FSHR: variants seen among roughly 807,000 people sequenced by gnomAD.
FSHR encodes follicle-stimulating hormone receptor.
FSHR carries 46 observed loss-of-function variants against 52.1 expected under a neutral mutation model. The observed-to-expected ratio is 0.88, with a 90% confidence interval of 0.70 to 1.13. FSHR has a LOEUF of 1.13. Among genes scored for constraint, FSHR ranks in the 50% most tolerant of loss-of-function variants. The probability of loss-of-function intolerance (pLI) is 0.00; values close to 1 mark genes in which losing one functional copy is unlikely to be tolerated. For missense variants in FSHR, 964 were observed against 834.6 expected, an observed-to-expected ratio of 1.16 and a Z score of -1.91; for synonymous variants, 399 against 309.6, an observed-to-expected ratio of 1.29 and a Z score of -3.03.
At chr2:49,045,218 C>G (rs1233593559) in intron 2 of FSHR, among the ~76,000 whole-genome samples, 2 of 152,138 alleles carry the variant, frequency 1.3e-5, no homozygotes, top group Admixed American at 6.5e-5. Flanking sequence ...TGTGCCATTT[C>G]TCTTGTATCC....
intron 7 of FSHR, 31 bp downstream of exon 7, chr2:48,983,067 A>C: frequency 6.2e-7 from 1 of 1,611,978 alleles, no homozygotes; most frequent in Non-Finnish European, 8.5e-7. Flanking sequence ...TTCCCTTTAA[A>C]TGGCCTTGAA....
chr2:49,005,548 T>C (rs1667048055), intron 4 of FSHR, among the ~76,000 whole-genome samples: 1 of 152,148 alleles, frequency 6.6e-6, no homozygotes, highest in African/African-American at 2.4e-5. Context: ...GAGTGATATC[T>C]GCAAGATGAC....
At chr2:49,143,726 G>T (rs753381456) in intron 1 of FSHR, among the ~76,000 whole-genome samples, 3 of 152,140 alleles carry the variant, frequency 2.0e-5, no homozygotes, top group Non-Finnish European at 4.4e-5. Context: ...CAGCATCCCA[G>T]AAAGCTGAAT....
intron 1 of FSHR, among the ~76,000 whole-genome samples, chr2:49,111,234 A>T (rs1671411195): frequency 6.6e-6 from 1 of 152,172 alleles, no homozygotes; most frequent in Non-Finnish European, 1.5e-5. Flanking sequence ...ATAACCAGGC[A>T]TTACTTTATT....
Position 48,968,861 on chromosome 2 carries a change from G to C in FSHR, c.691C>G (p.His231Asp). 1 of 1,613,692 alleles carries C rather than the reference G, an allele frequency of 6.2e-7. No homozygotes were observed. Among genetic ancestry groups the C allele is most frequent in the African/African-American group, 1.3e-5 (1 of 75,000 alleles). Residue 231 changes from histidine to aspartate, a missense_variant, in exon 9 of 10, where the codon CAT (histidine) becomes GAT (aspartate). Physicochemically the swap from His to Asp is moderately conservative, Grantham distance 81. Coordinates refer to ENST00000406846, the MANE Select transcript of FSHR (RefSeq NM_000145.4). ...TCTAAGCCATAGCTAGGCAGGGAAT[G>C]GATCCTTGTTCTTGAAATATCTCTA... ...VILDISRTRI[H>D]SLPSYGLENL...
chr2:49,148,534 A>C (rs920066555), intron 1 of FSHR, among the ~76,000 whole-genome samples: 1 of 152,052 alleles, frequency 6.6e-6, no homozygotes, highest in Admixed American at 6.6e-5. Context: ...AACCAGACAC[A>C]CTAAGGTGTA....
At chr2:49,094,612 G>A (rs565692710) in intron 1 of FSHR, among the ~76,000 whole-genome samples, 11 of 152,070 alleles carry the variant, frequency 7.2e-5, no homozygotes, top group Non-Finnish European at 1.5e-4. Flanking sequence ...ACTTTAAAAT[G>A]TTGTTCCATG....
intron 1 of FSHR, among the ~76,000 whole-genome samples, chr2:49,090,481 G>T (rs988844058): frequency 2.0e-5 from 3 of 152,196 alleles, no homozygotes; most frequent in African/African-American, 7.2e-5. Context: ...GTATTCCACT[G>T]TATGAATATA....
At chr2:49,120,228 G>A (rs148258415) in intron 1 of FSHR, among the ~76,000 whole-genome samples, 2,761 of 152,268 alleles carry the variant, frequency 0.018, 92 homozygotes, top group African/African-American at 0.063. Context: ...CTGAGATCAT[G>A]CCACTGCACT....
At chr2:49,052,105 A>G (rs1260813506) in intron 2 of FSHR, among the ~76,000 whole-genome samples, 2 of 152,234 alleles carry the variant, frequency 1.3e-5, no homozygotes, top group African/African-American at 4.8e-5. Context: ...AAATATAGAT[A>G]AAACATTTTA....
At chr2:48,989,098 C>A (rs1257756346) in intron 5 of FSHR, 44 bp from the exon 6 acceptor site, 5 of 1,498,056 alleles carry the variant, frequency 3.3e-6, no homozygotes, top group Non-Finnish European at 4.6e-6. Flanking sequence ...ATCAGCTCTA[C>A]TCATGTAACC....
Position 49,154,307 on chromosome 2 carries a change from C to A in FSHR, c.111G>T (p.Val37=). The change falls in exon 1 of 10, where the codon GTG becomes GTT. Residue 37 remains valine (V), a synonymous_variant. Transcript: ENST00000406846. ...NRVFLCQESK[V]TEIPSDLPRN... is the part of the protein sequence containing the mutation. ...TCGGGAGGTCAGAAGGAATCTCTGT[C>A]ACCTTGCTCTCTTGGCAGAGAAAAA... 6.2e-7 allele frequency: 1 copy of A among 1,613,916 alleles called. No individual in the cohort carries two copies. The highest frequency in any genetic ancestry group is 8.5e-7 in the Non-Finnish European group (1 of 1,179,928).
chr2:49,020,287 A>C, intron 2 of FSHR, 127 bp from the exon 3 acceptor site: 1 of 819,154 alleles, frequency 1.2e-6, no homozygotes, highest in South Asian at 1.4e-5. Context: ...CCTGCCATTA[A>C]AGAAGTCAGC....
intron 1 of FSHR, among the ~76,000 whole-genome samples, chr2:49,154,063 T>A (rs77417830): frequency 9.2e-4 from 140 of 152,292 alleles, no homozygotes; most frequent in African/African-American, 3.2e-3. Context: ...CTCTGACAAA[T>A]GCTGATACAA....
intron 1 of FSHR, among the ~76,000 whole-genome samples, chr2:49,132,601 A>T (rs551738399): frequency 9.9e-5 from 15 of 152,250 alleles, no homozygotes; most frequent in African/African-American, 3.4e-4. Context: ...TGCACATGGG[A>T]CACATTAAAG....
chr2:49,150,002 C>T lies in FSHR; in HGVS notation c.152+4264G>A, dbSNP rs953546. ...ACCCTGCTGAAGAAAAACATCATTACGTCCATACTGTTGCCTAGACTTCAA... is the reference window on the plus strand; with the variant it reads ...ACCCTGCTGAAGAAAAACATCATTATGTCCATACTGTTGCCTAGACTTCAA... On this transcript the variant is annotated intron_variant, in intron 1 of 9. Coordinates refer to ENST00000406846, the MANE Select transcript of FSHR (RefSeq NM_000145.4). 1.2e-3 allele frequency among the ~76,000 whole-genome samples: 180 copies of T among 152,152 alleles called. 5 individuals are homozygous for T. In the South Asian group the frequency reaches 0.035, roughly 30 times the overall value.
At chr2:49,127,898 C>CTTCTTCTTCT (rs1558457105) in intron 1 of FSHR, among the ~76,000 whole-genome samples, 1 of 27,258 alleles carries the variant, frequency 3.7e-5, no homozygotes, top group Non-Finnish European at 6.3e-5. Flanking sequence ...TCTTCTTCTT[C>CTTCTTCTTCT]TTTTTTTTTT....
chr2:49,015,481 C>T (rs901834029), intron 4 of FSHR, among the ~76,000 whole-genome samples: 1 of 152,104 alleles, frequency 6.6e-6, no homozygotes, highest in African/African-American at 2.4e-5. Flanking sequence ...ATATCTAAAT[C>T]TTGTTTGAGG....
intron 8 of FSHR, among the ~76,000 whole-genome samples, chr2:48,974,768 AAGATG>A (rs1290955124): frequency 6.6e-6 from 1 of 152,200 alleles, no homozygotes; most frequent in African/African-American, 2.4e-5. Context: ...GCCAGGGACA[AAGATG>A]AGATAAGTAG....
Sources: gnomAD v4.1 joint callset for allele counts (sites outside exome capture counted in the v4.1 genomes callset) on GRCh38, gnomAD v4.1.1 for gene constraint, MANE v1.5 for transcripts, NCBI Gene and HGNC (gene_info 2026-07-23, HGNC 2026-07-21) for gene names.